Variants in DMD observed in about 807,000 individuals in gnomAD.
The protein encoded by DMD is mutant dystrophin.
DMD carries 63 observed loss-of-function variants against 330.1 expected under a neutral mutation model. The observed-to-expected ratio is 0.19, with a 90% CI of 0.16 to 0.24. The LOEUF is 0.24. Among genes scored for constraint, DMD ranks in the 10% least tolerant of loss-of-function variants. The pLI is 1.00. For missense variants in DMD, 3,344 were observed against 2,684.1 expected, an observed-to-expected ratio of 1.25 and a Z score of -5.43; for synonymous variants, 1,223 against 959.8, an observed-to-expected ratio of 1.27 and a Z score of -5.07.
intron 17 of DMD, among the ~76,000 whole-genome samples, chrX:32,519,875 G>C (rs180906345): frequency 8.9e-6 from 1 of 111,744 alleles, no homozygotes; most frequent in African/African-American, 3.3e-5. Context: ...AAACATATTC[G>C]CATTTTATAT....
chrX:33,130,855 C>T (rs1047374249), intron 1 of DMD, among the ~76,000 whole-genome samples: 3 of 111,585 alleles, frequency 2.7e-5, no homozygotes, highest in African/African-American at 9.8e-5. Context: ...CTGGCCGGGA[C>T]TTCATATTTA....
At chrX:32,765,818 C>CT (rs1248725810) in intron 7 of DMD, among the ~76,000 whole-genome samples, 1 of 111,975 alleles carries the variant, frequency 8.9e-6, no homozygotes, top group African/African-American at 3.2e-5. Flanking sequence ...AATGTCTACG[C>CT]TTTCTTCTAA....
At chrX:33,294,273 C>A (rs1248414122) in intron 1 of DMD, among the ~76,000 whole-genome samples, 2 of 111,289 alleles carry the variant, frequency 1.8e-5, no homozygotes, top group African/African-American at 6.5e-5. Context: ...TATTTTATTA[C>A]AATTTTCACC....
At chrX:32,575,522 G>C (rs145478163) in intron 13 of DMD, among the ~76,000 whole-genome samples, 3,662 of 112,116 alleles carry the variant, frequency 0.033, 136 homozygotes, top group African/African-American at 0.11. Flanking sequence ...GGAAATGTGC[G>C]AGCTTAAATC....
chrX:32,084,075 T>C (rs1341427972), intron 44 of DMD, among the ~76,000 whole-genome samples: 1 of 112,559 alleles, frequency 8.9e-6, no homozygotes, highest in African/African-American at 3.2e-5. Context: ...GTCAAGATTT[T>C]TTTTTACTAA....
chrX:31,863,087 T>C (rs1482554020), intron 48 of DMD, among the ~76,000 whole-genome samples: 2 of 112,911 alleles, frequency 1.8e-5, no homozygotes, highest in Non-Finnish European at 3.8e-5. Context: ...CTCACGCCTG[T>C]AATCCCAGCA....
At chrX:32,688,792 T>C (rs1419224241) in intron 9 of DMD, among the ~76,000 whole-genome samples, 2 of 111,732 alleles carry the variant, frequency 1.8e-5, no homozygotes, top group Non-Finnish European at 3.8e-5. Context: ...TTTAACACCA[T>C]TAAAATTCTT....
intron 16 of DMD, among the ~76,000 whole-genome samples, chrX:32,548,951 G>A (rs1474587621): frequency 1.8e-5 from 2 of 111,363 alleles, no homozygotes; most frequent in East Asian, 5.6e-4. Flanking sequence ...AACAATCTTT[G>A]TATCTAGCTA....
In DMD at chrX:32,227,264, CATATATATATATATATATATATATAT is replaced by C. The variant is rs57305198; in HGVS notation, c.6291-10227_6291-10202del. On this transcript the variant is annotated intron_variant, in intron 43 of 78. Transcript: ENST00000357033. The stretch of plus-strand genomic sequence containing the variant: ...GTCTATCCTAGCTTCTAAGTCTAAG[CATATATATATATATATATATATATAT>C]ATATATATATATATATATATATGTA... Among the ~76,000 whole-genome samples the C allele has an allele frequency of 7.2e-3, 258 of 35,854 alleles. 4 individuals carry two copies. The highest frequency in any genetic ancestry group is 0.019 in the African/African-American group (235 of 12,340). The allele number at this position is 35,854 out of a possible 115,157, so 31.1% of individuals were successfully genotyped here. A position where few individuals can be genotyped will look rare whatever the true frequency, so the allele number is the denominator to read the frequency against.
intron 44 of DMD, among the ~76,000 whole-genome samples, chrX:32,057,504 C>T (rs1302301206): frequency 9.0e-6 from 1 of 111,050 alleles, no homozygotes; most frequent in East Asian, 2.8e-4. Context: ...AGAAAACAAT[C>T]TCATTTACAA....
In DMD at chrX:33,116,532, T is replaced by C. The variant is rs374247012; in HGVS notation, c.31+94750A>G. On this transcript the variant is annotated intron_variant, in intron 1 of 78. Transcript: ENST00000357033. ...AGCTACTGAGGTATTTACAAAGAAA[T>C]ATAAAGCACAGCACGTGCTCTCAGG... Among the ~76,000 whole-genome samples, 54 of 110,814 alleles carry C rather than the reference T, an allele frequency of 4.9e-4. 1 individual carries two copies. The South Asian group carries it at 8.4e-3, about 17-fold the overall frequency.
chrX:31,959,502 C>A (rs1312913782), intron 45 of DMD, among the ~76,000 whole-genome samples: 1 of 111,649 alleles, frequency 9.0e-6, no homozygotes, highest in Non-Finnish European at 1.9e-5. Context: ...TACAAGTGGT[C>A]ACTCATTTAC....
chrX:31,396,548 GTTTTTTTTT>G (rs56745544), intron 60 of DMD, among the ~76,000 whole-genome samples: 3 of 66,067 alleles, frequency 4.5e-5, no homozygotes, highest in Admixed American at 2.1e-4. Flanking sequence ...AAATCCCAGG[GTTTTTTTTT>G]TTTTTTTTTT....
At chrX:32,498,321 T>A (rs2043703963) in intron 19 of DMD, among the ~76,000 whole-genome samples, 1 of 111,999 alleles carries the variant, frequency 8.9e-6, no homozygotes, top group South Asian at 3.7e-4. Flanking sequence ...AGTAAATTAA[T>A]TTTAATGTTA....
At position 31,837,543 on chromosome X, in the gene DMD, A is replaced by G. The variant is rs767021044; in HGVS notation, c.7099-724T>C. On this transcript the variant is annotated intron_variant, in intron 48 of 78. Coordinates refer to ENST00000357033, the MANE Select transcript of DMD (RefSeq NM_004006.3). The stretch of plus-strand genomic sequence containing the variant: ...GAAGCTGAAGGAAGTGAAGTTAAAT[A>G]TTACAGAAGACTTTTTGGATGGAAC... Among the ~76,000 whole-genome samples, 3 of 112,087 alleles carry G rather than the reference A, an allele frequency of 2.7e-5. No individual in the cohort carries two copies. The South Asian group carries it at 1.1e-3, about 42-fold the overall frequency.
intron 50 of DMD, among the ~76,000 whole-genome samples, chrX:31,805,267 T>C (rs985647614): frequency 5.4e-5 from 6 of 111,936 alleles, no homozygotes; most frequent in African/African-American, 1.9e-4. Flanking sequence ...GATAGTCAGT[T>C]GAAGTGGCAT....
chrX:32,616,690 CT>C (rs1173392895), intron 11 of DMD, among the ~76,000 whole-genome samples: 130 of 60,209 alleles, frequency 2.2e-3, no homozygotes, highest in Admixed American at 8.7e-3. Context: ...GTTCTGGTTC[CT>C]TTTTTTTTTT....
intron 55 of DMD, among the ~76,000 whole-genome samples, chrX:31,511,165 T>A (rs995779371): frequency 9.1e-6 from 1 of 109,346 alleles, no homozygotes; most frequent in Non-Finnish European, 1.9e-5. Flanking sequence ...AGTGGAGATT[T>A]TTCAGTATCA....
intron 50 of DMD, among the ~76,000 whole-genome samples, chrX:31,779,669 CAGAT>C (rs972656347): frequency 6.6e-5 from 6 of 90,620 alleles, no homozygotes; most frequent in Non-Finnish European, 1.1e-4. Flanking sequence ...TCTAGGTAGA[CAGAT>C]AGATACACAC....
Sources: allele counts gnomAD v4.1 joint callset (sites outside exome capture counted in the v4.1 genomes callset), GRCh38; gene constraint gnomAD v4.1.1; transcripts MANE v1.5; gene names NCBI Gene and HGNC (gene_info 2026-07-23, HGNC 2026-07-21).